Variants in EIF3L observed in about 807,000 individuals in gnomAD.
EIF3L encodes eukaryotic translation initiation factor 3 subunit L, also known as eIEF associated protein HSPC021.
EIF3L carries 32 observed loss-of-function variants against 74.6 expected under a neutral mutation model. The ratio of observed to expected loss-of-function variants is 0.43; its 90% confidence interval spans 0.32 to 0.58. EIF3L has a LOEUF of 0.58. Among genes scored for constraint, EIF3L ranks in the 20% least tolerant of loss-of-function variants. The pLI is 0.06. For synonymous variants in EIF3L, 256 were observed against 254.4 expected, an observed-to-expected ratio of 1.01 and a Z score of -0.06; for missense variants, 474 against 707.8, an observed-to-expected ratio of 0.67 and a Z score of 3.75.
chr22:37,868,145 C>T (rs1363918181), intron 7 of EIF3L, among the ~76,000 whole-genome samples: 6 of 137,932 alleles, frequency 4.3e-5, no homozygotes, highest in African/African-American at 8.2e-5. Context: ...GACAGAGTCT[C>T]GCTCTTTCGC....
At chr22:37,867,729 C>T (rs1324603412) in intron 7 of EIF3L, among the ~76,000 whole-genome samples, 2 of 149,716 alleles carry the variant, frequency 1.3e-5, no homozygotes, top group African/African-American at 2.5e-5. Flanking sequence ...CCGAGGCAGG[C>T]GGATCATGAG....
intron 7 of EIF3L, among the ~76,000 whole-genome samples, chr22:37,868,567 C>T (rs1341052292): frequency 1.3e-5 from 2 of 151,192 alleles, no homozygotes; most frequent in Non-Finnish European, 2.9e-5. Context: ...GATTCTCCTG[C>T]CTCAGCCTCC....
chr22:37,879,093 GCCAC>G (rs1229511961), intron 11 of EIF3L: 2 of 151,966 alleles, frequency 1.3e-5, no homozygotes, highest in African/African-American at 4.8e-5. Context: ...ATAAGAGGCC[GCCAC>G]CACACCTGGC....
At position 37,888,822 on chromosome 22, in the gene EIF3L, A is replaced by G. The variant is rs1927451042; in HGVS notation, c.*358A>G. ...CAGTAGCGTGATCTCAGTTCGTTGC[A>G]TCCTCCGCTGCCCAGGTTCAAGCAG... On this transcript the variant is annotated 3_prime_UTR_variant, in exon 13 of 13. Coordinates refer to ENST00000652021, the MANE Select transcript of EIF3L (RefSeq NM_016091.4). 8.9e-6 allele frequency: 2 copies of G among 224,024 alleles called. No individual in the cohort carries two copies. The highest frequency in any genetic ancestry group is 2.3e-5 in the African/African-American group (1 of 43,158). The allele number at this position is 224,024 out of a possible 1,614,324, so 13.9% of individuals were successfully genotyped here. A position where few individuals can be genotyped will look rare whatever the true frequency, so the allele number is the denominator to read the frequency against.
chr22:37,873,278 G>A (rs1031940929), intron 8 of EIF3L, among the ~76,000 whole-genome samples: 2 of 148,650 alleles, frequency 1.3e-5, no homozygotes, highest in Non-Finnish European at 1.5e-5. Flanking sequence ...CATGAGCTGC[G>A]CTCAGTTGCG....
chr22:37,873,416 A>T (rs1926581389), intron 8 of EIF3L, among the ~76,000 whole-genome samples: 1 of 129,616 alleles, frequency 7.7e-6, no homozygotes, highest in African/African-American at 2.9e-5. Flanking sequence ...CTCCTGCCTC[A>T]GCCTCCCAAG....
At chr22:37,863,589 C>T (rs1419187665) in intron 7 of EIF3L, among the ~76,000 whole-genome samples, 2 of 152,086 alleles carry the variant, frequency 1.3e-5, no homozygotes, top group Non-Finnish European at 2.9e-5. Context: ...CTTACTAGAC[C>T]TTGTTAGGTG....
At chr22:37,863,141 G>A in intron 6 of EIF3L, 103 bp downstream of exon 6, 1 of 1,111,270 alleles carries the variant, frequency 9.0e-7, no homozygotes, top group Non-Finnish European at 1.3e-6. Flanking sequence ...GGATCTTAAT[G>A]TGTAGGTGGG....
Position 37,871,749 on chromosome 22 carries a change from A to G in EIF3L, c.751+1402A>G, listed in dbSNP as rs1926483755. Among the ~76,000 whole-genome samples, 3 of 151,858 alleles carry G rather than the reference A, an allele frequency of 2.0e-5. No individual in the cohort carries two copies. In the South Asian group the frequency reaches 6.3e-4, roughly 32 times the overall value. The stretch of plus-strand genomic sequence containing the variant: ...CCGGGCCTGGTGGTGGGCACCTGTA[A>G]TCCCATCTACTTGGGAGGCTGAGGC... On this transcript the variant is annotated intron_variant, in intron 8 of 12. Transcript: ENST00000652021.
At chr22:37,864,708 T>G (rs1311514062) in intron 7 of EIF3L, among the ~76,000 whole-genome samples, 1 of 152,002 alleles carries the variant, frequency 6.6e-6, no homozygotes, top group Non-Finnish European at 1.5e-5. Flanking sequence ...CCAGCTAATT[T>G]TTGTATTTTT....
intron 10 of EIF3L, chr22:37,877,104 CCTA>C (rs1926792589): frequency 1.3e-5 from 2 of 153,314 alleles, no homozygotes; most frequent in African/African-American, 4.8e-5. Context: ...GATGGGATAA[CCTA>C]CTACATACCC....
Position 37,886,640 on chromosome 22 carries a change from C to G in EIF3L, c.1576-125C>G, listed in dbSNP as rs906040167. The stretch of plus-strand genomic sequence containing the variant: ...TAACTGGTGGTGTTTTTCCAGTGGT[C>G]TTTTCCCCACCTTTACATCTAACAC... On this transcript the variant is annotated intron_variant, in intron 11 of 12. Transcript: ENST00000652021. 2.8e-5 allele frequency: 18 copies of G among 649,322 alleles called. No individual in the cohort carries two copies. The South Asian group carries it at 3.4e-4, about 12-fold the overall frequency. The allele number at this position is 649,322 out of a possible 1,614,324, so 40.2% of individuals were successfully genotyped here.
intron 10 of EIF3L, chr22:37,876,237 A>G (rs1021048243): frequency 4.2e-6 from 2 of 478,894 alleles, no homozygotes; most frequent in African/African-American, 4.0e-5. Context: ...TCAGGCGATC[A>G]TCCTACCTTA....
chr22:37,850,411 G>A (rs1925127112), intron 2 of EIF3L: 1 of 244,510 alleles, frequency 4.1e-6, no homozygotes, highest in South Asian at 4.0e-5. Flanking sequence ...TCGGCTCACT[G>A]CAACCTCCGC....
chr22:37,874,449 T>C lies in EIF3L; in HGVS notation c.831T>C (p.Leu277=). The part of the protein sequence containing the change: ...KMLGYFSLVG[L]LRLHSLLGDY... ...TTGGTTACTTCAGCCTGGTCGGGCT[T>C]CTCCGCCTGCACTCCCTGTTAGGAG... The change falls in exon 9 of 13, where the codon CTT becomes CTC. Residue 277 remains leucine (L), a synonymous_variant. Coordinates refer to ENST00000652021, the MANE Select transcript of EIF3L (RefSeq NM_016091.4). The C allele has an allele frequency of 6.2e-7, 1 of 1,614,158 alleles. No homozygotes were observed. Among genetic ancestry groups the C allele is most frequent in the South Asian group, 1.1e-5 (1 of 91,082 alleles).
intron 7 of EIF3L, among the ~76,000 whole-genome samples, chr22:37,868,957 AGT>A (rs1926330217): frequency 6.6e-6 from 1 of 151,308 alleles, no homozygotes; most frequent in Non-Finnish European, 1.5e-5. Context: ...TTGTATTTTT[AGT>A]AGAGATGGGG....
chr22:37,864,400 A>T (rs1240625196), intron 7 of EIF3L, among the ~76,000 whole-genome samples: 6 of 152,094 alleles, frequency 3.9e-5, no homozygotes, highest in African/African-American at 1.4e-4. Context: ...ACAATAGAAC[A>T]TTTTCATCAC....
chr22:37,878,680 G>A (rs1926887649), intron 11 of EIF3L: 1 of 154,130 alleles, frequency 6.5e-6, no homozygotes, highest in Non-Finnish European at 1.4e-5. Flanking sequence ...TCAGTCTGGT[G>A]TCAAACTCCC....
At chr22:37,882,785 G>C (rs1255472559) in intron 11 of EIF3L, 1 of 152,124 alleles carries the variant, frequency 6.6e-6, no homozygotes, top group Non-Finnish European at 1.5e-5. Context: ...GGCGGAACAC[G>C]AGGTCAGGAG....
Sources: gnomAD v4.1 joint callset for allele counts (sites outside exome capture counted in the v4.1 genomes callset) on GRCh38, gnomAD v4.1.1 for gene constraint, MANE v1.5 for transcripts, NCBI Gene and HGNC (gene_info 2026-07-23, HGNC 2026-07-21) for gene names.